The following GIPC2 variants were observed in gnomAD, a reference collection of about 807,000 sequenced individuals.
GIPC2 encodes the protein GIPC PDZ domain containing family member 2, also known as PDZ domain-containing protein GIPC2.
Under a neutral mutation model 30.6 loss-of-function variants are expected in GIPC2, and 30 were observed. The ratio of observed to expected loss-of-function variants is 0.98; its 90% CI spans 0.73 to 1.33. The LOEUF is 1.33. GIPC2 is among the 40% of genes most tolerant of loss of function. GIPC2 has a pLI of 0.00. For synonymous variants in GIPC2, 167 were observed against 150.0 expected (o/e 1.11, Z -0.83); for missense variants, 414 against 390.3 (o/e 1.06, Z -0.51).
chr1:78,130,812 C>T (rs530269456), intron 5 of GIPC2, among the ~76,000 whole-genome samples: 9 of 152,036 alleles, frequency 5.9e-5, no homozygotes, highest in South Asian at 2.1e-4. Flanking sequence ...GATTTTTAAC[C>T]GTAAATATCT....
rs538517651 is a variant in GIPC2 at position 78,136,095 on chromosome 1, G to GT, written c.*360dup. On this transcript the variant is annotated 3_prime_UTR_variant, in exon 6 of 6. Coordinates refer to ENST00000370759, the MANE Select transcript of GIPC2 (RefSeq NM_017655.6). ...AATAGATGATTTCAATAGCTTTGTAGTTTTTTTTCAAAATCTTAATGTAAA... is the reference window on the plus strand; with the variant it reads ...AATAGATGATTTCAATAGCTTTGTAGTTTTTTTTTCAAAATCTTAATGTAAA... 1.8e-4 allele frequency: 30 copies of GT among 165,824 alleles called. No individual in the cohort carries two copies. Among genetic ancestry groups the GT allele is most frequent in the African/African-American group, 4.1e-4 (17 of 41,540 alleles). 10.3% of individuals were successfully genotyped at this position (165,824 alleles called of 1,614,324 possible).
chr1:78,133,939 C>T (rs1226126017), intron 5 of GIPC2, among the ~76,000 whole-genome samples: 4 of 152,102 alleles, frequency 2.6e-5, no homozygotes, highest in Non-Finnish European at 4.4e-5. Context: ...CACATGTTCC[C>T]ATCATTTTGT....
chr1:78,129,226 A>G lies in GIPC2; in HGVS notation c.796+3264A>G, dbSNP rs553616325. ...AATGTAATCAGTTACCTAGAGAGGT[A>G]AAGTGTAAGGAAAGTAATTATTTGA... On this transcript the variant is annotated intron_variant, in intron 5 of 5. Transcript: ENST00000370759. 3.9e-5 allele frequency among the ~76,000 whole-genome samples: 6 copies of G among 152,308 alleles called. No homozygotes were observed. In the South Asian group the frequency reaches 1.0e-3, roughly 26 times the overall value.
At chr1:78,084,092 A>G (rs544937588) in intron 2 of GIPC2, among the ~76,000 whole-genome samples, 1 of 152,112 alleles carries the variant, frequency 6.6e-6, no homozygotes, top group South Asian at 2.1e-4. Context: ...TTGATAGTCA[A>G]GTTCTGGTGT....
At chr1:78,061,070 G>T (rs920399813) in intron 1 of GIPC2, among the ~76,000 whole-genome samples, 1 of 152,100 alleles carries the variant, frequency 6.6e-6, no homozygotes, top group Non-Finnish European at 1.5e-5. Flanking sequence ...TGCAAGGAGA[G>T]CTGCCACTGT....
At chr1:78,122,629 A>G (rs933987899) in intron 4 of GIPC2, among the ~76,000 whole-genome samples, 1 of 152,058 alleles carries the variant, frequency 6.6e-6, no homozygotes, top group Non-Finnish European at 1.5e-5. Context: ...CCTGGGGGAA[A>G]CCACCTCATG....
chr1:78,056,090 C>G (rs969922601), intron 1 of GIPC2, among the ~76,000 whole-genome samples: 1 of 152,190 alleles, frequency 6.6e-6, no homozygotes, highest in African/African-American at 2.4e-5. Flanking sequence ...ACTTCCATAA[C>G]TCTTATCAGA....
chr1:78,135,872 C>A lies in GIPC2; in HGVS notation c.*129C>A. On this transcript the variant is annotated 3_prime_UTR_variant, in exon 6 of 6. Coordinates refer to ENST00000370759, the MANE Select transcript of GIPC2 (RefSeq NM_017655.6). ...TAATTTCATGTGTATGGAATATATT[C>A]TTTGAAATATAATTTTGGTAATTTT... 1 of 677,078 alleles carries A rather than the reference C, an allele frequency of 1.5e-6. No homozygotes were observed. The highest frequency in any genetic ancestry group is 1.9e-5 in the African/African-American group (1 of 53,042). The allele number at this position is 677,078 out of a possible 1,614,324, so 41.9% of individuals were successfully genotyped here.
At chr1:78,051,216 A>G (rs1160645194) in intron 1 of GIPC2, among the ~76,000 whole-genome samples, 4 of 152,106 alleles carry the variant, frequency 2.6e-5, no homozygotes, top group African/African-American at 7.2e-5. Flanking sequence ...TGTCATCATT[A>G]TTGATCCTTG....
In GIPC2 at chr1:78,108,331, A is replaced by G. The variant is rs115157637; in HGVS notation, c.608-11062A>G. Among the ~76,000 whole-genome samples, 1,083 of 152,332 alleles carry G rather than the reference A, an allele frequency of 7.1e-3. 13 individuals carry two copies. Among genetic ancestry groups the G allele is most frequent in the African/African-American group, 0.025 (1,046 of 41,564 alleles). On this transcript the variant is annotated intron_variant, in intron 3 of 5. Coordinates refer to ENST00000370759, the MANE Select transcript of GIPC2 (RefSeq NM_017655.6). ...TTAACTTGTGCCTGCAATTTCAGGGAGTTATGAAAACAGCGTTGGGGCTTT... is the reference window on the plus strand; with the variant it reads ...TTAACTTGTGCCTGCAATTTCAGGGGGTTATGAAAACAGCGTTGGGGCTTT...
At chr1:78,046,362 C>A (rs769534480) in intron 1 of GIPC2, 28 bp downstream of exon 1, 5 of 1,581,486 alleles carry the variant, frequency 3.2e-6, no homozygotes, top group South Asian at 2.3e-5. Context: ...CAGGCTCTCC[C>A]GCCTCTCCGC....
At chr1:78,064,840 T>C (rs1661472725) in intron 1 of GIPC2, among the ~76,000 whole-genome samples, 1 of 150,860 alleles carries the variant, frequency 6.6e-6, no homozygotes, top group African/African-American at 2.4e-5. Context: ...GCCTCCCTGG[T>C]TAAAGCGATT....
intron 3 of GIPC2, among the ~76,000 whole-genome samples, chr1:78,109,381 A>G (rs966311421): frequency 2.0e-5 from 3 of 152,222 alleles, no homozygotes; most frequent in Admixed American, 1.3e-4. Context: ...TAAAACAACC[A>G]ATGAGAGTTA....
chr1:78,129,924 A>G (rs951862005), intron 5 of GIPC2, among the ~76,000 whole-genome samples: 1 of 152,052 alleles, frequency 6.6e-6, no homozygotes, highest in Non-Finnish European at 1.5e-5. Flanking sequence ...TGGAAAGAAG[A>G]TTTGAATGAT....
intron 3 of GIPC2, among the ~76,000 whole-genome samples, chr1:78,113,927 G>C (rs944720259): frequency 6.6e-6 from 1 of 150,546 alleles, no homozygotes; most frequent in Non-Finnish European, 1.5e-5. Context: ...CATCAACCTA[G>C]TTTTCATAGC....
intron 3 of GIPC2, among the ~76,000 whole-genome samples, chr1:78,114,870 A>G (rs1662539482): frequency 6.6e-6 from 1 of 152,154 alleles, no homozygotes. Context: ...GGAGGTTGAT[A>G]ATGGGAGAGG....
At position 78,112,496 on chromosome 1, in the gene GIPC2, G is replaced by C. The variant is rs1236744783; in HGVS notation, c.608-6897G>C. 3 of 518,986 alleles carry C rather than the reference G, an allele frequency of 5.8e-6. No individual in the cohort carries two copies. The Admixed American group carries it at 5.8e-5, about 10-fold the overall frequency. The allele number at this position is 518,986 out of a possible 1,614,324, so 32.1% of individuals were successfully genotyped here. ...TGTGCCCACTTCATGTTGAAATTAT[G>C]GTCTCTGCCCAGGCCCCATAGGTGC... On this transcript the variant is annotated intron_variant, in intron 3 of 5. Coordinates refer to ENST00000370759, the MANE Select transcript of GIPC2 (RefSeq NM_017655.6).
chr1:78,046,759 A>G (rs1471358471), intron 1 of GIPC2, among the ~76,000 whole-genome samples: 1 of 152,166 alleles, frequency 6.6e-6, no homozygotes, highest in Non-Finnish European at 1.5e-5. Flanking sequence ...AGAGTCACGC[A>G]GGTCATCTCC....
intron 3 of GIPC2, chr1:78,112,626 C>T (rs772317894): frequency 5.4e-5 from 27 of 500,460 alleles, no homozygotes; most frequent in African/African-American, 7.8e-5. Flanking sequence ...TTGGTCCTTC[C>T]GTCAGTTGAG....
Sources: gnomAD v4.1 joint callset for allele counts (sites outside exome capture counted in the v4.1 genomes callset) on GRCh38, gnomAD v4.1.1 for gene constraint, MANE v1.5 for transcripts, NCBI Gene and HGNC (gene_info 2026-07-23, HGNC 2026-07-21) for gene names.